LTF: variants seen among roughly 807,000 people sequenced by gnomAD.
LTF encodes epididymis luminal protein 110.
A neutral mutation model predicts 87.2 loss-of-function variants in LTF; 91 were observed. The observed-to-expected ratio is 1.04, with a 90% confidence interval of 0.88 to 1.24. LTF has a LOEUF of 1.24. Among genes scored for constraint, LTF ranks in the 50% most tolerant of loss-of-function variants. LTF has a pLI of 0.00. For missense variants in LTF, 901 were observed against 904.3 expected, an observed-to-expected ratio of 1.00 and a Z score of 0.05; for synonymous variants, 378 against 356.1, an observed-to-expected ratio of 1.06 and a Z score of -0.69.
chr3:46,468,255 T>C (rs538481106), upstream of LTF: 1 of 456,744 alleles, frequency 2.2e-6, no homozygotes, highest in African/African-American at 2.0e-5. Context: ...AACTTACCCA[T>C]TCATTCAACA....
At chr3:46,466,740 G>A (rs1329273186), upstream of LTF, among the ~76,000 whole-genome samples, 1 of 152,184 alleles carries the variant, frequency 6.6e-6, no homozygotes, top group Non-Finnish European at 1.5e-5. Flanking sequence ...ATCAATAATT[G>A]CAATAAGTTC....
chr3:46,462,048 A>AC lies in LTF; in HGVS notation c.44-2230dup, dbSNP rs552394168. ...TAGCTGCCATACTCCCCCTTCATCC[A>AC]CCCTCATCCCGGGGAAATCCCAGGG... On this transcript the variant is annotated intron_variant, in intron 1 of 16. Transcript: ENST00000231751. Among the ~76,000 whole-genome samples, 32 of 152,150 alleles carry AC rather than the reference A, an allele frequency of 2.1e-4. No individual in the cohort carries two copies. The South Asian group carries it at 6.4e-3, about 31-fold the overall frequency.
rs576553318 is a variant in LTF at position 46,478,611 on chromosome 3, C to A, written c.-320+6375G>T. 3.9e-5 allele frequency among the ~76,000 whole-genome samples: 6 copies of A among 152,158 alleles called. No individual in the cohort carries two copies. In the East Asian group the frequency reaches 1.2e-3, roughly 29 times the overall value. On this transcript the variant is annotated intron_variant, in intron 1 of 19. Coordinates refer to the LTF transcript ENST00000443496. ...AGGATGCAACGTAGATGCTAGAGGG[C>A]CAAGGGGAGGACAGAAGAGGGTAGG... is the stretch of plus-strand genomic sequence containing the variant.
intron 6 of LTF, among the ~76,000 whole-genome samples, chr3:46,452,995 A>G (rs1397050659): frequency 1.3e-5 from 2 of 152,224 alleles, no homozygotes; most frequent in Non-Finnish European, 2.9e-5. Context: ...GACCTTATCA[A>G]TATCAAGGAT....
At chr3:46,472,572 C>G (rs926115774) in intron 1 of LTF, among the ~76,000 whole-genome samples, 2 of 150,382 alleles carry the variant, frequency 1.3e-5, no homozygotes, top group African/African-American at 4.9e-5. Flanking sequence ...TGCTCTGTTG[C>G]CCAGGCTGGA....
intron 14 of LTF, among the ~76,000 whole-genome samples, chr3:46,440,776 C>A (rs952489156): frequency 1.3e-5 from 2 of 152,154 alleles, no homozygotes; most frequent in African/African-American, 4.8e-5. Context: ...TAGCAAGTCA[C>A]CTGCTGAGAC....
chr3:46,467,823 G>A (rs1423346143), upstream of LTF, among the ~76,000 whole-genome samples: 1 of 151,790 alleles, frequency 6.6e-6, no homozygotes, highest in East Asian at 1.9e-4. Context: ...GCCATGGCTT[G>A]GAACTCTTGT....
Position 46,441,967 on chromosome 3 carries a change from G to C in LTF, c.1656-484C>G, listed in dbSNP as rs1443479648. On this transcript the variant is annotated intron_variant, in intron 13 of 16. Coordinates refer to ENST00000231751, the MANE Select transcript of LTF (RefSeq NM_002343.6). ...TGTGTGTGTGTGTGTGTGTGTGTGTGTGTGTGTGTGTGTGTGTGTGTATGC... is the reference window on the plus strand; with the variant it reads ...TGTGTGTGTGTGTGTGTGTGTGTGTCTGTGTGTGTGTGTGTGTGTGTATGC... The C allele has an allele frequency of 2.1e-5, 3 of 140,508 alleles. No individual in the cohort carries two copies. In the Admixed American group the frequency reaches 2.1e-4, roughly 10 times the overall value. The allele number at this position is 140,508 out of a possible 1,614,324, so 8.7% of individuals were successfully genotyped here.
chr3:46,463,253 G>A (rs1703129382), intron 1 of LTF, among the ~76,000 whole-genome samples: 1 of 152,170 alleles, frequency 6.6e-6, no homozygotes, highest in African/African-American at 2.4e-5. Context: ...CAGTGCGCTG[G>A]CCTCCAAGGC....
intron 1 of LTF, among the ~76,000 whole-genome samples, chr3:46,479,433 G>T (rs1370114810): frequency 6.6e-6 from 1 of 152,248 alleles, no homozygotes; most frequent in East Asian, 1.9e-4. Context: ...GGACTGAGAG[G>T]CAGAACAAGT....
chr3:46,450,011 G>C lies in LTF; in HGVS notation c.900C>G (p.Asp300Glu), dbSNP rs913542563. The change falls in exon 8 of 17, where the codon GAC becomes GAG. Residue 300 changes from aspartate to glutamate, a missense_variant. Coordinates refer to ENST00000231751, the MANE Select transcript of LTF (RefSeq NM_002343.6). ...LRQAQEKFGK[D>E]KSPKFQLFGS... ...CAAAGAGCTGGAATTTCGGTGACTT[G>C]TCCTTTCCAAACTTTTCCTAATTAA... 6.3e-7 allele frequency: 1 copy of C among 1,597,428 alleles called. No homozygotes were observed. The highest frequency in any genetic ancestry group is 1.3e-5 in the African/African-American group (1 of 74,112).
At chr3:46,461,349 G>C (rs1703077001) in intron 1 of LTF, among the ~76,000 whole-genome samples, 1 of 152,244 alleles carries the variant, frequency 6.6e-6, no homozygotes, top group African/African-American at 2.4e-5. Flanking sequence ...ATAAATGCTT[G>C]TGCATGAATA....
Position 46,454,361 on chromosome 3 carries a change from C to T in LTF, c.648-1G>A. 1 of 1,614,124 alleles carries T rather than the reference C, an allele frequency of 6.2e-7. No homozygotes were observed. Among genetic ancestry groups the T allele is most frequent in the Non-Finnish European group, 8.5e-7 (1 of 1,179,958 alleles). On this transcript the variant is annotated splice_acceptor_variant, in intron 5 of 16. Transcript: ENST00000231751. LOFTEE classifies it high-confidence loss of function. ...GTCTCCAGCCCCGTCTCTCAGACAC[C>T]TGTGAAAAGAGAAACCATCAGGGGT...
At chr3:46,442,635 T>C (rs1308961005) in intron 13 of LTF, among the ~76,000 whole-genome samples, 2 of 152,094 alleles carry the variant, frequency 1.3e-5, no homozygotes, top group East Asian at 3.8e-4. Flanking sequence ...CAAAACATTT[T>C]TTTTTGTTTT....
intron 1 of LTF, 54 bp downstream of exon 1, chr3:46,464,771 A>G (rs1703172033): frequency 2.5e-6 from 4 of 1,589,562 alleles, no homozygotes; most frequent in East Asian, 2.2e-5. Flanking sequence ...CCTAGCAGAC[A>G]GGGCGCAGGA....
chr3:46,435,793 A>G lies in LTF; in HGVS notation c.*402T>C, dbSNP rs1559588660. On this transcript the variant is annotated 3_prime_UTR_variant, in exon 17 of 17. Coordinates refer to ENST00000231751, the MANE Select transcript of LTF (RefSeq NM_002343.6). Reference sequence around the variant, plus strand: ...CAGGCACATACATGCACGTGCACTGAGACAGCTATGTGAATAACCAACAAG... The same window carrying G: ...CAGGCACATACATGCACGTGCACTGGGACAGCTATGTGAATAACCAACAAG... 6 of 255,256 alleles carry G rather than the reference A, an allele frequency of 2.4e-5. No individual in the cohort carries two copies. The highest frequency in any genetic ancestry group is 3.8e-5 in the Non-Finnish European group (5 of 130,502). 15.8% of individuals were successfully genotyped at this position (255,256 alleles called of 1,614,324 possible). A position where few individuals can be genotyped will look rare whatever the true frequency, so the allele number is the denominator to read the frequency against.
intron 6 of LTF, 36 bp downstream of exon 6, chr3:46,454,268 AG>A: frequency 6.3e-7 from 1 of 1,589,262 alleles, no homozygotes; most frequent in Non-Finnish European, 8.6e-7. Context: ...GTAAGATAAA[AG>A]GGGTCAGTAC....
intron 1 of LTF, chr3:46,463,629 A>C (rs2106904823): frequency 1.0e-6 from 1 of 985,476 alleles, no homozygotes. Flanking sequence ...GATCCAAGTG[A>C]ATATAAAACC....
At chr3:46,458,908 A>T (rs964941159) in intron 2 of LTF, among the ~76,000 whole-genome samples, 1 of 152,218 alleles carries the variant, frequency 6.6e-6, no homozygotes, top group Non-Finnish European at 1.5e-5. Context: ...ATAGTTGTAA[A>T]ATAATAGCCT....
Sources: allele counts gnomAD v4.1 joint callset (sites outside exome capture counted in the v4.1 genomes callset), GRCh38; gene constraint gnomAD v4.1.1; transcripts MANE v1.5; gene names NCBI Gene and HGNC (gene_info 2026-07-23, HGNC 2026-07-21).